Variants in DENND6A observed in about 807,000 individuals in gnomAD.
The protein encoded by DENND6A is protein DENND6A.
A neutral mutation model predicts 95.5 loss-of-function variants in DENND6A; 43 were observed. That is an observed-to-expected ratio of 0.45 (90% CI 0.35 to 0.58). The LOEUF is 0.58. Among genes scored for constraint, DENND6A ranks in the 20% least tolerant of loss-of-function variants. The pLI, the probability that DENND6A is intolerant of heterozygous loss-of-function variation, is 0.00. For missense variants in DENND6A, 574 were observed against 736.0 expected (o/e 0.78, Z 2.55); for synonymous variants, 257 against 260.4 (o/e 0.99, Z 0.13).
In DENND6A at chr3:57,641,751, T is replaced by C. The variant is rs757181521; in HGVS notation, c.1038-4A>G. The C allele has an allele frequency of 6.2e-7, 1 of 1,609,234 alleles. No homozygotes were observed. Among genetic ancestry groups the C allele is most frequent in the Admixed American group, 1.7e-5 (1 of 59,232 alleles). Reference sequence around the variant, plus strand: ...TACTCCTAATATAACTGAGGGCCTATAAAAAACAAAACAAAACAAAATAAA... The same window carrying C: ...TACTCCTAATATAACTGAGGGCCTACAAAAAACAAAACAAAACAAAATAAA... On this transcript the variant is annotated splice_region_variant and splice_polypyrimidine_tract_variant and intron_variant, in intron 11 of 19. Coordinates refer to ENST00000311128, the MANE Select transcript of DENND6A (RefSeq NM_152678.3).
chr3:57,633,306 G>A lies in DENND6A; in HGVS notation c.1312C>T (p.Arg438Cys), dbSNP rs773053016. The change falls in exon 15 of 20, where the codon CGC (arginine) becomes TGC (cysteine). Residue 438 changes from arginine (R) to cysteine (C), a missense_variant. Arg to Cys is a radical substitution (Grantham distance 180). This residue lies in a region of DENND6A where 452 missense variants were observed against 630.9 expected (regional missense o/e 0.72). Transcript: ENST00000311128. ...PSEAQSVILR[R>C]YFLELTQSFI... is the part of the protein sequence containing the mutation. ...CTTTGTGTCAGTTCCAAAAAATAGC[G>A]TCGAAGAATAACACTTTGAGCCTCA... The A allele has an allele frequency of 3.1e-6, 5 of 1,613,684 alleles. No individual in the cohort carries two copies. The highest frequency in any genetic ancestry group is 2.2e-5 in the East Asian group (1 of 44,840).
Position 57,633,411 on chromosome 3 carries a change from A to G in DENND6A, c.1264-57T>C, listed in dbSNP as rs980610193. 6.5e-6 allele frequency: 9 copies of G among 1,380,150 alleles called. No homozygotes were observed. The African/African-American group carries it at 1.0e-4, about 16-fold the overall frequency. The allele number at this position is 1,380,150 out of a possible 1,614,324, so 85.5% of individuals were successfully genotyped here. A position where few individuals can be genotyped will look rare whatever the true frequency, so the allele number is the denominator to read the frequency against. On this transcript the variant is annotated intron_variant, in intron 14 of 19. Coordinates refer to ENST00000311128, the MANE Select transcript of DENND6A (RefSeq NM_152678.3). The stretch of plus-strand genomic sequence containing the variant: ...CTAGTGTTGGAATATAAAACAATGG[A>G]TAACTATCAGATTCAATTGCTATGT...
intron 8 of DENND6A, 106 bp downstream of exon 8, chr3:57,659,012 T>C (rs2071377477): frequency 9.8e-7 from 1 of 1,021,022 alleles, no homozygotes; most frequent in African/African-American, 1.6e-5. Flanking sequence ...TTCAGTAATA[T>C]TCAGAAATAT....
At chr3:57,655,201 GT>G (rs1272422093) in intron 9 of DENND6A, among the ~76,000 whole-genome samples, 1 of 152,012 alleles carries the variant, frequency 6.6e-6, no homozygotes, top group Non-Finnish European at 1.5e-5. Flanking sequence ...TGCCCAGCTA[GT>G]TTTTGTATTT....
intron 1 of DENND6A, among the ~76,000 whole-genome samples, chr3:57,687,383 G>C (rs1282740115): frequency 6.6e-6 from 1 of 152,220 alleles, no homozygotes; most frequent in Non-Finnish European, 1.5e-5. Context: ...CAGAAGAAAA[G>C]TTGGAAGCTA....
rs1029653635 is a variant in DENND6A, at chr3:57,685,475, A to G, written c.237+7307T>C. 4.6e-5 allele frequency among the ~76,000 whole-genome samples: 7 copies of G among 152,248 alleles called. No individual in the cohort carries two copies. In the Middle Eastern group the frequency reaches 0.01, roughly 222 times the overall value. ...TTGAATTATACTTACTCAGTTGGAC[A>G]TCCCAAATCCAAAAACCTGAAATCC... On this transcript the variant is annotated intron_variant, in intron 1 of 19. Transcript: ENST00000311128.
intron 1 of DENND6A, among the ~76,000 whole-genome samples, chr3:57,681,442 T>C (rs1190714909): frequency 6.7e-6 from 1 of 150,064 alleles, no homozygotes; most frequent in African/African-American, 2.5e-5. Flanking sequence ...CCAGCCTGGG[T>C]GACAGAGCAA....
intron 1 of DENND6A, among the ~76,000 whole-genome samples, chr3:57,689,472 A>G (rs911026776): frequency 1.5e-4 from 23 of 152,172 alleles, no homozygotes; most frequent in African/African-American, 5.5e-4. Context: ...TTCTGTGGTA[A>G]TGCCTCCAGA....
chr3:57,674,976 T>C (rs151179094), intron 1 of DENND6A, among the ~76,000 whole-genome samples: 2 of 152,080 alleles, frequency 1.3e-5, no homozygotes, highest in East Asian at 1.9e-4. Flanking sequence ...GTCTACTTGA[T>C]GGTGGAGGGT....
At chr3:57,631,085 T>C (rs2153411906) in intron 15 of DENND6A, 107 bp from the exon 16 acceptor site, 3 of 930,628 alleles carry the variant, frequency 3.2e-6, no homozygotes, top group Non-Finnish European at 5.0e-6. Context: ...GCCCTTTCAA[T>C]GGACAGCAAC....
In DENND6A at chr3:57,693,055, G is replaced by A. The variant is rs927509274; in HGVS notation, c.-37C>T. 9 of 1,356,486 alleles carry A rather than the reference G, an allele frequency of 6.6e-6. No individual in the cohort carries two copies. Among genetic ancestry groups the A allele is most frequent in the South Asian group, 5.3e-5 (3 of 57,116 alleles). 84.0% of individuals were successfully genotyped at this position (1,356,486 alleles called of 1,614,324 possible). The stretch of plus-strand genomic sequence containing the variant: ...TGACCGTTCGCGCCGCCTCCACAGC[G>A]GACCGCGCCGCAGAGCGCGCTTGCC... On this transcript the variant is annotated 5_prime_UTR_variant, in exon 1 of 20. Coordinates refer to ENST00000311128, the MANE Select transcript of DENND6A (RefSeq NM_152678.3).
intron 11 of DENND6A, among the ~76,000 whole-genome samples, chr3:57,642,799 A>G (rs910641658): frequency 2.6e-5 from 4 of 152,076 alleles, no homozygotes; most frequent in Non-Finnish European, 5.9e-5. Context: ...TGAGGTCAGG[A>G]GTTCGAGACC....
intron 4 of DENND6A, chr3:57,665,820 C>T: frequency 4.5e-6 from 1 of 223,216 alleles, no homozygotes; most frequent in Non-Finnish European, 8.9e-6. Flanking sequence ...AGTTACTGTA[C>T]AGTACAACTC....
chr3:57,666,055 G>T, intron 4 of DENND6A, 68 bp downstream of exon 4: 1 of 1,296,820 alleles, frequency 7.7e-7, no homozygotes, highest in Non-Finnish European at 1.1e-6. Context: ...TGGTGTCAGC[G>T]GTAACTGAAT....
rs1559826612 is a variant in DENND6A at position 57,672,314 on chromosome 3, A to G, written c.277-16T>C. ...TATTGGTTTTCTGAAAAAGAAAACA[A>G]AAGTGATGTATGCTGACACATACAT... On this transcript the variant is annotated splice_polypyrimidine_tract_variant and intron_variant, in intron 2 of 19. Transcript: ENST00000311128. 2 of 1,610,088 alleles carry G rather than the reference A, an allele frequency of 1.2e-6. No individual in the cohort carries two copies. Among genetic ancestry groups the G allele is most frequent in the African/African-American group, 1.3e-5 (1 of 74,824 alleles).
chr3:57,661,411 T>A (rs776730253), intron 6 of DENND6A, 35 bp downstream of exon 6: 28 of 1,448,512 alleles, frequency 1.9e-5, no homozygotes, highest in Middle Eastern at 2.2e-4. Context: ...GTAAAAATTT[T>A]AAAACTCCTG....
At chr3:57,685,849 T>C (rs1159707709) in intron 1 of DENND6A, among the ~76,000 whole-genome samples, 1 of 152,198 alleles carries the variant, frequency 6.6e-6, no homozygotes, top group Non-Finnish European at 1.5e-5. Flanking sequence ...CCATACATAG[T>C]TTGAAAACAT....
intron 5 of DENND6A, among the ~76,000 whole-genome samples, chr3:57,662,545 G>C (rs71311816): frequency 3.3e-5 from 5 of 152,124 alleles, no homozygotes; most frequent in African/African-American, 1.2e-4. Context: ...ATTTGGAATA[G>C]AAACAATAAT....
chr3:57,648,930 G>GA lies in DENND6A; in HGVS notation c.819-2493dup, dbSNP rs772234521. ...ATAAAATTTCTAGAAGATAACATTG[G>GA]AAAAAACCCATCCAGGCATAAACCT... On this transcript the variant is annotated intron_variant, in intron 9 of 19. Transcript: ENST00000311128. 2.0e-4 allele frequency among the ~76,000 whole-genome samples: 30 copies of GA among 152,104 alleles called. 1 individual carries two copies. In the East Asian group the frequency reaches 5.4e-3, roughly 27 times the overall value.
Sources: gnomAD v4.1 joint callset for allele counts (sites outside exome capture counted in the v4.1 genomes callset) on GRCh38, gnomAD v4.1.1 for gene constraint, gnomAD v4.1.1 regional missense constraint, MANE v1.5 for transcripts, NCBI Gene and HGNC (gene_info 2026-07-23, HGNC 2026-07-21) for gene names.